NUP210L: variants seen among roughly 807,000 people sequenced by gnomAD.
NUP210L encodes the protein nuclear pore membrane glycoprotein 210-like.
A neutral mutation model predicts 208.5 loss-of-function variants in NUP210L; 74 were observed. That is an observed-to-expected ratio of 0.35 (90% CI 0.29 to 0.43). The LOEUF (loss-of-function observed/expected upper bound fraction) is 0.43. NUP210L is among the 20% of genes least tolerant of loss of function. NUP210L has a pLI of 1.00. For missense variants in NUP210L, 1,843 were observed against 2,289.4 expected, an observed-to-expected ratio of 0.81 and a Z score of 3.98; for synonymous variants, 780 against 816.9, an observed-to-expected ratio of 0.95 and a Z score of 0.77.
At chr1:154,080,672 G>A (rs572381070) in intron 16 of NUP210L, among the ~76,000 whole-genome samples, 3 of 151,564 alleles carry the variant, frequency 2.0e-5, no homozygotes, top group Non-Finnish European at 4.4e-5. Flanking sequence ...GCGACAGAGC[G>A]AGACCATCTC....
intron 29 of NUP210L, among the ~76,000 whole-genome samples, chr1:154,027,069 C>T (rs1260757416): frequency 2.6e-5 from 3 of 113,456 alleles, no homozygotes; most frequent in African/African-American, 7.3e-5. Context: ...GGCAACAGAG[C>T]GAGACTGTCT....
chr1:153,993,603 T>C (rs978765203), intron 38 of NUP210L, among the ~76,000 whole-genome samples: 3 of 146,976 alleles, frequency 2.0e-5, no homozygotes, highest in Non-Finnish European at 4.5e-5. Context: ...GAGTAGACAA[T>C]AGTGTTGTGT....
intron 12 of NUP210L, 152 bp from the exon 13 acceptor site, chr1:154,104,362 A>G (rs890951861): frequency 9.2e-6 from 6 of 649,820 alleles, no homozygotes; most frequent in African/African-American, 7.3e-5. Context: ...AGTCACCTTC[A>G]TAAGAATCAA....
At chr1:154,121,821 C>T (rs1166362149) in intron 10 of NUP210L, among the ~76,000 whole-genome samples, 2 of 151,084 alleles carry the variant, frequency 1.3e-5, no homozygotes, top group Non-Finnish European at 2.9e-5. Flanking sequence ...GGGCCGAGAT[C>T]GTTCCACTGC....
At chr1:154,135,081 T>C (rs1658468090) in intron 7 of NUP210L, among the ~76,000 whole-genome samples, 1 of 152,068 alleles carries the variant, frequency 6.6e-6, no homozygotes, top group Non-Finnish European at 1.5e-5. Context: ...GCAGGTTTAG[T>C]GAATTTTTAA....
chr1:154,018,870 G>A (rs1248716197), intron 33 of NUP210L, 63 bp downstream of exon 33: 6 of 1,553,158 alleles, frequency 3.9e-6, no homozygotes, highest in Non-Finnish European at 4.4e-6. Flanking sequence ...TTTTCTCTAT[G>A]CATATCCTCA....
Position 154,126,267 on chromosome 1 carries a change from T to C in NUP210L, c.1326+56A>G, listed in dbSNP as rs562871217. ...ATATATCTGCTTGCAAATCAACAAGTCAGCCAAGCCTCTTCAGTGTTCTTA... is the reference window on the plus strand; with the variant it reads ...ATATATCTGCTTGCAAATCAACAAGCCAGCCAAGCCTCTTCAGTGTTCTTA... On this transcript the variant is annotated intron_variant, in intron 10 of 39. Transcript: ENST00000368559. 67 of 1,495,812 alleles carry C rather than the reference T, an allele frequency of 4.5e-5. No homozygotes were observed. In the Middle Eastern group the frequency reaches 7.1e-4, roughly 16 times the overall value. 92.7% of individuals were successfully genotyped at this position (1,495,812 alleles called of 1,614,324 possible).
chr1:154,057,965 T>C, intron 22 of NUP210L, 124 bp downstream of exon 22: 2 of 1,066,540 alleles, frequency 1.9e-6, no homozygotes, highest in Middle Eastern at 4.3e-4. Context: ...CTGAAATGTA[T>C]TCTAACAGAA....
At chr1:154,138,260 A>G (rs201389434) in intron 5 of NUP210L, 22 bp from the exon 6 acceptor site, 2 of 1,522,042 alleles carry the variant, frequency 1.3e-6, no homozygotes, top group Admixed American at 2.7e-5. Context: ...AGGGAAGGAA[A>G]AAAAAAAACA....
At chr1:154,044,699 T>C (rs559369272) in intron 27 of NUP210L, among the ~76,000 whole-genome samples, 1 of 152,316 alleles carries the variant, frequency 6.6e-6, no homozygotes, top group South Asian at 2.1e-4. Context: ...AAGATATAAC[T>C]CTAATTCTTT....
intron 17 of NUP210L, 152 bp downstream of exon 17, chr1:154,070,121 A>G (rs1435025411): frequency 3.3e-6 from 2 of 601,482 alleles, no homozygotes; most frequent in Non-Finnish European, 5.7e-6. Context: ...TAATGGGTGC[A>G]GCAAACCAAC....
chr1:154,074,646 G>A (rs1461174574), intron 16 of NUP210L, among the ~76,000 whole-genome samples: 1 of 151,888 alleles, frequency 6.6e-6, no homozygotes, highest in East Asian at 1.9e-4. Flanking sequence ...CCGCCACTAC[G>A]CCTGGCTAAT....
chr1:154,147,416 C>T (rs1467149486), intron 2 of NUP210L, among the ~76,000 whole-genome samples: 2 of 152,030 alleles, frequency 1.3e-5, no homozygotes, highest in African/African-American at 4.8e-5. Flanking sequence ...TGGCTCACTG[C>T]AGCCTCAAAC....
intron 6 of NUP210L, 130 bp downstream of exon 6, chr1:154,137,976 C>T: frequency 1.7e-6 from 1 of 594,880 alleles, no homozygotes; most frequent in East Asian, 3.3e-5. Flanking sequence ...TAGTTAAGTA[C>T]AGCAATTAAC....
At position 154,102,176 on chromosome 1, in the gene NUP210L, AAAAT is replaced by A. The variant is rs1384536186; in HGVS notation, c.1819+1832_1819+1835del. On this transcript the variant is annotated intron_variant, in intron 13 of 39. Transcript: ENST00000368559. The stretch of plus-strand genomic sequence containing the variant: ...AAAAAAACAAAACAAAAATTAAATA[AAAAT>A]AAATAAATAAATAAAGTAGTTAATT... Among the ~76,000 whole-genome samples, 4 of 152,254 alleles carry A rather than the reference AAAAT, an allele frequency of 2.6e-5. No homozygotes were observed. The South Asian group carries it at 6.2e-4, about 24-fold the overall frequency.
intron 16 of NUP210L, among the ~76,000 whole-genome samples, chr1:154,088,337 A>G (rs1571258270): frequency 6.6e-6 from 1 of 152,124 alleles, no homozygotes; most frequent in East Asian, 1.9e-4. Context: ...TCAAAAAAAA[A>G]AAAAGGGTGA....
intron 15 of NUP210L, among the ~76,000 whole-genome samples, chr1:154,091,113 T>TTATTA (rs1655889793): frequency 1.7e-5 from 2 of 114,752 alleles, no homozygotes; most frequent in Non-Finnish European, 3.9e-5. Flanking sequence ...TATTATTATT[T>TTATTA]GAGAAAAAGT....
chr1:154,056,984 T>C, intron 22 of NUP210L, 37 bp from the exon 23 acceptor site: 1 of 1,600,028 alleles, frequency 6.2e-7, no homozygotes, highest in Non-Finnish European at 8.5e-7. Flanking sequence ...GAGAAAGATT[T>C]TTGTTTTGTT....
At chr1:154,017,871 C>T (rs1275260683) in intron 33 of NUP210L, among the ~76,000 whole-genome samples, 1 of 152,070 alleles carries the variant, frequency 6.6e-6, no homozygotes, top group African/African-American at 2.4e-5. Context: ...TCCCTTTTTC[C>T]CTTTTGTTTC....
Sources: allele counts gnomAD v4.1 joint callset (sites outside exome capture counted in the v4.1 genomes callset), GRCh38; gene constraint gnomAD v4.1.1; transcripts MANE v1.5; gene names NCBI Gene and HGNC (gene_info 2026-07-23, HGNC 2026-07-21).